Variants in YLPM1 observed in about 807,000 individuals in gnomAD.
YLPM1 encodes the protein YLP motif containing 1.
In YLPM1, 99 loss-of-function variants were observed where a neutral mutation model predicts 230.0. The ratio of observed to expected loss-of-function variants is 0.43; its 90% CI spans 0.37 to 0.51. The LOEUF (loss-of-function observed/expected upper bound fraction) is 0.51. Ranked by LOEUF, YLPM1 falls within the 20% of genes least tolerant of loss-of-function variation. The pLI is 0.00. For synonymous variants in YLPM1, 984 were observed against 942.5 expected (o/e 1.04, Z -0.81); for missense variants, 2,592 against 2,707.7 (o/e 0.96, Z 0.95).
intron 4 of YLPM1, among the ~76,000 whole-genome samples, chr14:74,787,988 C>G (rs951192400): frequency 6.6e-6 from 1 of 151,704 alleles, no homozygotes; most frequent in Admixed American, 6.6e-5. Flanking sequence ...GCCTGGGTGA[C>G]GGAGTGAGAG....
At chr14:74,785,487 G>A (rs577308648) in intron 4 of YLPM1, among the ~76,000 whole-genome samples, 2 of 152,250 alleles carry the variant, frequency 1.3e-5, no homozygotes, top group East Asian at 3.9e-4. Context: ...TGTTACCCAG[G>A]CATAGTTCTT....
At chr14:74,822,540 A>G (rs1009101552) in intron 17 of YLPM1, among the ~76,000 whole-genome samples, 19 of 152,180 alleles carry the variant, frequency 1.2e-4, no homozygotes, top group African/African-American at 3.9e-4. Flanking sequence ...ATTTCAAGCA[A>G]TGGGAGAGTA....
chr14:74,767,970 T>C (rs1304320502), intron 1 of YLPM1, among the ~76,000 whole-genome samples: 1 of 152,212 alleles, frequency 6.6e-6, no homozygotes, highest in Non-Finnish European at 1.5e-5. Flanking sequence ...AAGCTTTCTA[T>C]CAATCTTGCA....
rs2090885156 is a variant in YLPM1, at chr14:74,764,157, C to T, written c.668C>T (p.Ser223Phe). 1 of 1,613,474 alleles carries T rather than the reference C, an allele frequency of 6.2e-7. No individual in the cohort carries two copies. Among genetic ancestry groups the T allele is most frequent in the South Asian group, 1.1e-5 (1 of 91,066 alleles). ...CAATCCTATTTGAGCCATTCCCAGT[C>T]CTACTTGCCCTCTTCTCAGGCATCT... ...SSQSYLSHSQ[S>F]YLPSSQASPS... Residue 223 changes from serine (S) to phenylalanine (F), a missense_variant, in exon 1 of 21, where the codon TCC becomes TTC. This residue lies in a region of YLPM1 where 1,862 missense variants were observed against 1,819.8 expected (regional missense o/e 1.02). Transcript: ENST00000325680.
At chr14:74,788,455 C>A (rs1264879154) in intron 4 of YLPM1, among the ~76,000 whole-genome samples, 1 of 152,210 alleles carries the variant, frequency 6.6e-6, no homozygotes, top group African/African-American at 2.4e-5. Flanking sequence ...TTGAGATGGT[C>A]CAGGTTCTTG....
At chr14:74,807,338 A>T (rs944539000) in intron 6 of YLPM1, among the ~76,000 whole-genome samples, 1 of 152,194 alleles carries the variant, frequency 6.6e-6, no homozygotes, top group Non-Finnish European at 1.5e-5. Flanking sequence ...AACCAGCCAG[A>T]CACAGTGAAC....
chr14:74,809,690 C>G lies in YLPM1; in HGVS notation c.4832C>G (p.Pro1611Arg), dbSNP rs374456976. The G allele has an allele frequency of 1.2e-6, 2 of 1,614,066 alleles. No homozygotes were observed. Among genetic ancestry groups the G allele is most frequent in the Admixed American group, 1.7e-5 (1 of 60,024 alleles). Reference sequence around the variant, plus strand: ...CCATCTGCTCCAGTATTACCACCCCCACCTGTTCACTCTTCCATTCCCCCT... The same window carrying G: ...CCATCTGCTCCAGTATTACCACCCCGACCTGTTCACTCTTCCATTCCCCCT... ...AIPSAPVLPP[P>R]PVHSSIPPPG... The change falls in exon 7 of 21, where the codon CCA becomes CGA. Residue 1611 changes from proline to arginine, a missense_variant. Physicochemically the swap from Pro to Arg is moderately radical, Grantham distance 103. Transcript: ENST00000325680.
intron 17 of YLPM1, chr14:74,822,112 T>C (rs1378727277): frequency 1.3e-5 from 2 of 152,198 alleles, no homozygotes; most frequent in Non-Finnish European, 2.9e-5. Context: ...AGTTTTAAAG[T>C]TAATGGCATT....
In YLPM1 at chr14:74,812,703, C is replaced by T; in HGVS notation, c.5423C>T (p.Pro1808Leu). Residue 1808 changes from proline (P) to leucine (L), a missense_variant, in exon 11 of 21, where the codon CCA (proline) becomes CTA (leucine). Coordinates refer to ENST00000325680, the MANE Select transcript of YLPM1 (RefSeq NM_019589.3). The part of the protein sequence containing the change: ...PSLSHQPPPA[P>L]RVEKKPESKN... ...CTGAGCCACCAGCCTCCTCCAGCTC[C>T]ACGAGTCGAGAAGAAGCCTGAATCA... 1 of 1,613,520 alleles carries T rather than the reference C, an allele frequency of 6.2e-7. No individual in the cohort carries two copies. Among genetic ancestry groups the T allele is most frequent in the South Asian group, 1.1e-5 (1 of 90,956 alleles).
chr14:74,796,967 G>GTTT (rs1594824351), intron 4 of YLPM1, among the ~76,000 whole-genome samples: 11 of 83,200 alleles, frequency 1.3e-4, no homozygotes, highest in South Asian at 4.6e-4. Flanking sequence ...ATTTATAATT[G>GTTT]CTTTTTTTTT....
chr14:74,798,951 CGAT>C lies in YLPM1; in HGVS notation c.3657_3659del (p.Asp1220del), dbSNP rs777688211. ...ATGCTCCAATGGAACGAGAAAGACTCGATGACTGGGATAGAGAGAGATACTGGA... is the reference window on the plus strand; with the variant it reads ...ATGCTCCAATGGAACGAGAAAGACTCGACTGGGATAGAGAGAGATACTGGA... On this transcript the variant is annotated inframe_deletion, in exon 5 of 21. Coordinates refer to ENST00000325680, the MANE Select transcript of YLPM1 (RefSeq NM_019589.3). 56 of 1,613,604 alleles carry C rather than the reference CGAT, an allele frequency of 3.5e-5. No homozygotes were observed. The African/African-American group carries it at 6.9e-4, about 20-fold the overall frequency.
At chr14:74,833,540 A>G (rs972706280) in intron 19 of YLPM1, among the ~76,000 whole-genome samples, 1 of 152,218 alleles carries the variant, frequency 6.6e-6, no homozygotes, top group African/African-American at 2.4e-5. Flanking sequence ...GGTGTAAGCC[A>G]CTGTGCCTGG....
intron 19 of YLPM1, among the ~76,000 whole-genome samples, chr14:74,833,043 T>C (rs1225827857): frequency 1.4e-5 from 2 of 147,812 alleles, no homozygotes; most frequent in Non-Finnish European, 3.0e-5. Flanking sequence ...CTTTATTCAA[T>C]GAGCCTTACC....
chr14:74,783,535 T>G (rs1027325338), intron 4 of YLPM1, among the ~76,000 whole-genome samples: 1 of 152,218 alleles, frequency 6.6e-6, no homozygotes, highest in Non-Finnish European at 1.5e-5. Context: ...TTTAAAAATA[T>G]ATGTTGCAGA....
Position 74,781,765 on chromosome 14 carries a change from C to G in YLPM1, c.1722C>G (p.Pro574=). 6.2e-7 allele frequency: 1 copy of G among 1,612,646 alleles called. No individual in the cohort carries two copies. The highest frequency in any genetic ancestry group is 1.7e-4 in the Middle Eastern group (1 of 6,060). The change falls in exon 4 of 21, where the codon CCC becomes CCG. Residue 574 remains proline, a synonymous_variant. Transcript: ENST00000325680. ...VMPPSLPTSV[P]PPGMPPSLSS... is the part of the protein sequence containing the mutation. ...CACCTTCTCTACCAACCTCTGTTCCCCCACCAGGGATGCCTCCTTCTCTCT... is the reference window on the plus strand; with the variant it reads ...CACCTTCTCTACCAACCTCTGTTCCGCCACCAGGGATGCCTCCTTCTCTCT...
In YLPM1 at chr14:74,799,647, G is replaced by A. The variant is rs2091306168; in HGVS notation, c.4350G>A (p.Gln1450=). ...QGLGGVMVLS[Q]RQHEIILKAA... ...TTGGAGGGGTAATGGTTCTCAGTCAGAGGCAGCATGAAATCATTTTGAAAG... is the reference window on the plus strand; with the variant it reads ...TTGGAGGGGTAATGGTTCTCAGTCAAAGGCAGCATGAAATCATTTTGAAAG... The change falls in exon 5 of 21, where the codon CAG becomes CAA. Residue 1450 remains glutamine, a synonymous_variant. Transcript: ENST00000325680. 2 of 1,613,330 alleles carry A rather than the reference G, an allele frequency of 1.2e-6. No homozygotes were observed. The highest frequency in any genetic ancestry group is 4.5e-5 in the East Asian group (2 of 44,854).
At chr14:74,808,892 A>G (rs1383125637) in intron 6 of YLPM1, among the ~76,000 whole-genome samples, 1 of 151,916 alleles carries the variant, frequency 6.6e-6, no homozygotes, top group Non-Finnish European at 1.5e-5. Flanking sequence ...CCCACTAACA[A>G]TCTAAAAGGG....
chr14:74,821,141 G>T lies in YLPM1; in HGVS notation c.6111+4G>T. ...AGAGGAAGAGGAAAGCGAACTGGTA[G>T]GAGACAGACCAACCACTTTGAACAG... On this transcript the variant is annotated splice_donor_region_variant and intron_variant, in intron 17 of 20. Coordinates refer to ENST00000325680, the MANE Select transcript of YLPM1 (RefSeq NM_019589.3). 1 of 1,541,236 alleles carries T rather than the reference G, an allele frequency of 6.5e-7. No homozygotes were observed. Among genetic ancestry groups the T allele is most frequent in the Non-Finnish European group, 8.8e-7 (1 of 1,142,706 alleles).
chr14:74,796,107 G>A (rs567882090), intron 4 of YLPM1, among the ~76,000 whole-genome samples: 2 of 152,346 alleles, frequency 1.3e-5, no homozygotes, highest in Admixed American at 6.5e-5. Context: ...GGGGCCTTGT[G>A]TCTAGCTACA....
Sources: allele counts gnomAD v4.1 joint callset (sites outside exome capture counted in the v4.1 genomes callset), GRCh38; gene constraint gnomAD v4.1.1; regional missense constraint gnomAD v4.1.1; transcripts MANE v1.5; gene names NCBI Gene and HGNC (gene_info 2026-07-23, HGNC 2026-07-21).